The following HADHA variants were observed in gnomAD, a reference collection of about 807,000 sequenced individuals.
HADHA encodes trifunctional enzyme subunit alpha, mitochondrial.
HADHA carries 59 observed loss-of-function variants against 91.3 expected under a neutral mutation model. That is an observed-to-expected ratio of 0.65 (90% CI 0.52 to 0.80). HADHA has a LOEUF of 0.80. Among genes scored for constraint, HADHA ranks in the 30% least tolerant of loss-of-function variants. HADHA has a pLI of 0.00. For missense variants in HADHA, 800 were observed against 927.6 expected (o/e 0.86, Z 1.79); for synonymous variants, 320 against 338.9 (o/e 0.94, Z 0.61).
rs1306929914 is a variant in HADHA, at chr2:26,203,922, A to G, written c.1220+140T>C. The G allele has an allele frequency of 5.9e-6, 5 of 854,152 alleles. No individual in the cohort carries two copies. The East Asian group carries it at 9.7e-5, about 17-fold the overall frequency. The allele number at this position is 854,152 out of a possible 1,614,324, so 52.9% of individuals were successfully genotyped here. On this transcript the variant is annotated intron_variant, in intron 12 of 19. Transcript: ENST00000380649. ...AACTTGGCTTCACTACGGAGTATCTAGAACTCATTATGTTCAGGAAAAAGG... is the reference window on the plus strand; with the variant it reads ...AACTTGGCTTCACTACGGAGTATCTGGAACTCATTATGTTCAGGAAAAAGG...
intron 10 of HADHA, 22 bp from the exon 11 acceptor site, chr2:26,209,911 GA>G: frequency 8.4e-7 from 1 of 1,191,958 alleles, no homozygotes; most frequent in Non-Finnish European, 1.3e-6. Flanking sequence ...AGGGGAATGA[GA>G]AAAGGTAGAA....
At chr2:26,230,390 G>C (rs1670594609) in intron 6 of HADHA, 96 bp from the exon 7 acceptor site, 1 of 804,834 alleles carries the variant, frequency 1.2e-6, no homozygotes, top group Admixed American at 1.8e-5. Context: ...ATTAAAATGA[G>C]AAAAGTCAAG....
rs538762823 is a variant in HADHA at position 26,225,171 on chromosome 2, C to T, written c.676+5021G>A. ...AAGTATTTAAGAAATAATACCAACT[C>T]TACATAAAATCTTCCAGAAAATATA... On this transcript the variant is annotated intron_variant, in intron 7 of 19. Transcript: ENST00000380649. Among the ~76,000 whole-genome samples the T allele has an allele frequency of 3.3e-5, 5 of 152,132 alleles. No individual in the cohort carries two copies. In the East Asian group the frequency reaches 9.7e-4, roughly 29 times the overall value.
At chr2:26,227,498 C>T (rs1480059521) in intron 7 of HADHA, among the ~76,000 whole-genome samples, 6 of 131,682 alleles carry the variant, frequency 4.6e-5, no homozygotes, top group Non-Finnish European at 6.3e-5. Flanking sequence ...GGCAACAGAG[C>T]GAGACTTTGT....
chr2:26,193,655 G>C lies in HADHA; in HGVS notation c.1807C>G (p.Leu603Val), dbSNP rs1483418230. The change falls in exon 17 of 20, where the codon CTG becomes GTG. Residue 603 changes from leucine to valine, a missense_variant. Physicochemically the swap from Leu to Val is conservative, Grantham distance 32. Transcript: ENST00000380649. The stretch of plus-strand genomic sequence containing the variant: ...AACCGCTCCCCAAAGACTTTGCCCA[G>C]ATCTTCCGCCACATGTTTCGCTACA... ...VDVAKHVAEDLGKVFGERFGG... is the reference protein window; with the variant it reads ...VDVAKHVAEDVGKVFGERFGG... 1 of 1,614,096 alleles carries C rather than the reference G, an allele frequency of 6.2e-7. No individual in the cohort carries two copies. Among genetic ancestry groups the C allele is most frequent in the Admixed American group, 1.7e-5 (1 of 60,018 alleles).
In HADHA at chr2:26,217,348, A is replaced by G. The variant is rs536334080; in HGVS notation, c.677-2173T>C. Among the ~76,000 whole-genome samples the G allele has an allele frequency of 2.0e-5, 3 of 152,326 alleles. No homozygotes were observed. In the South Asian group the frequency reaches 6.2e-4, roughly 32 times the overall value. On this transcript the variant is annotated intron_variant, in intron 7 of 19. Coordinates refer to ENST00000380649, the MANE Select transcript of HADHA (RefSeq NM_000182.5). ...TTTGGGCAATATCAAATGACCTAAC[A>G]ATGTGAAATTGGAATCTCCAAAAAG...
intron 16 of HADHA, among the ~76,000 whole-genome samples, chr2:26,193,980 G>A (rs954623902): frequency 8.5e-5 from 13 of 152,184 alleles, no homozygotes; most frequent in African/African-American, 3.1e-4. Flanking sequence ...CTAATCTACA[G>A]CACTTTAAGG....
chr2:26,236,529 G>A (rs1422406596), intron 4 of HADHA, among the ~76,000 whole-genome samples: 2 of 151,194 alleles, frequency 1.3e-5, no homozygotes, highest in African/African-American at 4.9e-5. Context: ...AGGGATTTTC[G>A]TGCCACAGCC....
chr2:26,196,225 GGTCT>G (rs770197766), intron 14 of HADHA, among the ~76,000 whole-genome samples: 36 of 152,262 alleles, frequency 2.4e-4, no homozygotes, highest in African/African-American at 8.2e-4. Flanking sequence ...TTCCATCACA[GGTCT>G]GTCTATCTCC....
At chr2:26,223,496 A>C (rs1466154224) in intron 7 of HADHA, among the ~76,000 whole-genome samples, 1 of 152,218 alleles carries the variant, frequency 6.6e-6, no homozygotes, top group South Asian at 2.1e-4. Flanking sequence ...CAAAGGGAAT[A>C]TGAAAAGGGG....
chr2:26,211,843 T>C (rs1453618267), intron 10 of HADHA: 2 of 152,612 alleles, frequency 1.3e-5, no homozygotes, highest in Middle Eastern at 3.4e-3. Flanking sequence ...ACAAGATACT[T>C]CCTTTCCTTT....
chr2:26,239,688 C>T (rs1472621900), intron 1 of HADHA, among the ~76,000 whole-genome samples: 1 of 150,990 alleles, frequency 6.6e-6, no homozygotes, highest in East Asian at 1.9e-4. Flanking sequence ...CAAAAAATAG[C>T]AGCTTTATAC....
intron 6 of HADHA, among the ~76,000 whole-genome samples, chr2:26,231,287 G>GT (rs1433258616): frequency 6.6e-6 from 1 of 152,152 alleles, no homozygotes; most frequent in African/African-American, 2.4e-5. Context: ...CCTGCAAAGA[G>GT]TATTTCTGTT....
At chr2:26,208,619 G>A (rs1422791999) in intron 11 of HADHA, among the ~76,000 whole-genome samples, 1 of 152,178 alleles carries the variant, frequency 6.6e-6, no homozygotes, top group Non-Finnish European at 1.5e-5. Flanking sequence ...TTTATGCCGT[G>A]CACAGGGAAT....
chr2:26,202,342 C>G (rs1315630627), intron 12 of HADHA, among the ~76,000 whole-genome samples: 2 of 152,150 alleles, frequency 1.3e-5, no homozygotes, highest in African/African-American at 2.4e-5. Flanking sequence ...AATAAATTAC[C>G]TACAGTTTTC....
chr2:26,242,477 GGTA>G (rs1670921307), intron 1 of HADHA, among the ~76,000 whole-genome samples: 1 of 152,104 alleles, frequency 6.6e-6, no homozygotes, highest in Non-Finnish European at 1.5e-5. Context: ...AAATTAGGTT[GGTA>G]GCTTTTTATT....
At chr2:26,219,682 A>G (rs1670328083) in intron 7 of HADHA, among the ~76,000 whole-genome samples, 1 of 152,222 alleles carries the variant, frequency 6.6e-6, no homozygotes, top group African/African-American at 2.4e-5. Flanking sequence ...GGGCCCAAGT[A>G]GCAGCACCAT....
chr2:26,209,781 T>C lies in HADHA; in HGVS notation c.1084A>G (p.Lys362Glu). ...NKFGAPQKDVKHLAILGAGLM... is the reference protein window; with the variant it reads ...NKFGAPQKDVEHLAILGAGLM... ...CTTCCTACGTAGAGTTTAACTTACT[T>C]AACATCCTTCTGTGGAGCTCCAAAT... Residue 362 changes from lysine to glutamate, a missense_variant and splice_region_variant, in exon 11 of 20, where the codon AAG (lysine) becomes GAG (glutamate). Coordinates refer to ENST00000380649, the MANE Select transcript of HADHA (RefSeq NM_000182.5). 6.8e-7 allele frequency: 1 copy of C among 1,468,412 alleles called. No homozygotes were observed. Among genetic ancestry groups the C allele is most frequent in the Non-Finnish European group, 9.6e-7 (1 of 1,047,060 alleles). The allele number at this position is 1,468,412 out of a possible 1,614,324, so 91.0% of individuals were successfully genotyped here.
chr2:26,220,641 T>G (rs1425311677), intron 7 of HADHA, among the ~76,000 whole-genome samples: 1 of 152,250 alleles, frequency 6.6e-6, no homozygotes, highest in Non-Finnish European at 1.5e-5. Context: ...ACATACATCC[T>G]TGGACCTGGT....
Sources: allele counts gnomAD v4.1 joint callset (sites outside exome capture counted in the v4.1 genomes callset), GRCh38; gene constraint gnomAD v4.1.1; transcripts MANE v1.5; gene names NCBI Gene and HGNC (gene_info 2026-07-23, HGNC 2026-07-21).